Variants in POU2AF2 observed in about 807,000 individuals in gnomAD.
The protein encoded by POU2AF2 is POU domain class 2-associating factor 2.
the POU2AF2 span, chr11:111,281,359 A>G: frequency 3.3e-6 from 5 of 1,529,306 alleles, no homozygotes; most frequent in Admixed American, 1.8e-5. Context: ...ATTCAAACTT[A>G]CAACTAAAGA....
chr11:111,280,456 C>G, the POU2AF2 span, among the ~76,000 whole-genome samples: 7 of 152,308 alleles, frequency 4.6e-5, no homozygotes, highest in South Asian at 1.2e-3. Flanking sequence ...CAGAAATAAA[C>G]AATTTCTAGA....
At chr11:111,265,662 T>C in the POU2AF2 span, among the ~76,000 whole-genome samples, 2 of 152,154 alleles carry the variant, frequency 1.3e-5, no homozygotes, top group Admixed American at 6.5e-5. Context: ...CAATATCTGG[T>C]ACATAGCGGT....
At chr11:111,281,931 TCA>T in the POU2AF2 span, among the ~76,000 whole-genome samples, 3 of 152,168 alleles carry the variant, frequency 2.0e-5, no homozygotes, top group African/African-American at 7.2e-5. Context: ...AAAGACAATC[TCA>T]TTTAGTTCAA....
chr11:111,276,453 A>ATATATATATATAT, the POU2AF2 span, among the ~76,000 whole-genome samples: 43 of 37,562 alleles, frequency 1.1e-3, no homozygotes, highest in South Asian at 2.2e-3. Context: ...AAAAAAAAAA[A>ATATATATATATAT]ATATATATAT....
chr11:111,286,107 A>G, the POU2AF2 span: 49 of 1,585,484 alleles, frequency 3.1e-5, no homozygotes, highest in South Asian at 5.5e-4. Context: ...TGTATTCCAA[A>G]GATTGTTTTA....
chr11:111,264,618 AAG>A, the POU2AF2 span, among the ~76,000 whole-genome samples: 2 of 72,202 alleles, frequency 2.8e-5, no homozygotes, highest in Non-Finnish European at 6.5e-5. Context: ...GAAAGAAAGA[AAG>A]AGAAGAAAGA....
At chr11:111,248,695 C>T in the POU2AF2 span, among the ~76,000 whole-genome samples, 6 of 151,948 alleles carry the variant, frequency 3.9e-5, no homozygotes, top group South Asian at 4.2e-4. Context: ...TATTCCCTTA[C>T]GTAAAGTCAC....
the POU2AF2 span, among the ~76,000 whole-genome samples, chr11:111,266,211 C>A: frequency 6.6e-6 from 1 of 152,266 alleles, no homozygotes; most frequent in East Asian, 1.9e-4. Context: ...CTGAAGCCTG[C>A]ATTTCCTGAA....
At chr11:111,265,829 C>G in the POU2AF2 span, among the ~76,000 whole-genome samples, 1 of 150,334 alleles carries the variant, frequency 6.7e-6, no homozygotes, top group South Asian at 2.1e-4. Context: ...AGAAAGGCTA[C>G]TGGGTAACTT....
At chr11:111,286,127 G>C in the POU2AF2 span, 3 of 1,539,718 alleles carry the variant, frequency 1.9e-6, no homozygotes, top group Non-Finnish European at 2.6e-6. Context: ...AGGTGTGTCA[G>C]CCCATTCAGG....
chr11:111,258,088 A>G, the POU2AF2 span, among the ~76,000 whole-genome samples: 1 of 152,238 alleles, frequency 6.6e-6, no homozygotes, highest in Non-Finnish European at 1.5e-5. Flanking sequence ...ACTGCGCTCC[A>G]GCCTGGGCAA....
At chr11:111,246,834 T>C in the POU2AF2 span, among the ~76,000 whole-genome samples, 1 of 152,204 alleles carries the variant, frequency 6.6e-6, no homozygotes, top group Non-Finnish European at 1.5e-5. Flanking sequence ...GCAGCTAAAA[T>C]CTACTTATTT....
the POU2AF2 span, among the ~76,000 whole-genome samples, chr11:111,251,622 G>A: frequency 2.0e-5 from 3 of 152,138 alleles, no homozygotes; most frequent in African/African-American, 7.2e-5. Flanking sequence ...CTGTCTACAA[G>A]GTCATTCTCC....
the POU2AF2 span, among the ~76,000 whole-genome samples, chr11:111,264,536 GAAAGA>G: frequency 4.8e-5 from 3 of 62,978 alleles, no homozygotes; most frequent in East Asian, 6.9e-4. Context: ...AAGAAAGAAA[GAAAGA>G]AAGAAAGAAA....
chr11:111,249,295 T>C, the POU2AF2 span, among the ~76,000 whole-genome samples: 2 of 152,138 alleles, frequency 1.3e-5, no homozygotes, highest in Non-Finnish European at 2.9e-5. Context: ...ATTTTTAAAC[T>C]CTAAATATCA....
chr11:111,260,341 A>T, the POU2AF2 span, among the ~76,000 whole-genome samples: 5 of 152,210 alleles, frequency 3.3e-5, no homozygotes, highest in Non-Finnish European at 5.9e-5. Context: ...AGGTTAAAAA[A>T]AAATGGGAGC....
the POU2AF2 span, chr11:111,255,860 C>T: frequency 3.3e-5 from 13 of 395,918 alleles, no homozygotes; most frequent in African/African-American, 2.5e-4. Context: ...CACTTCAAAT[C>T]CAGGAATTCT....
At chr11:111,283,803 C>T in the POU2AF2 span, among the ~76,000 whole-genome samples, 12 of 152,120 alleles carry the variant, frequency 7.9e-5, no homozygotes, top group East Asian at 1.7e-3. Context: ...CGCCGGTCAC[C>T]GGGAAGGTAC....
At chr11:111,285,664 G>T in the POU2AF2 span, 1 of 1,612,094 alleles carries the variant, frequency 6.2e-7, no homozygotes, top group Non-Finnish European at 8.5e-7. Context: ...GGGACTCATG[G>T]GAGCAGACGT....
Sources: gnomAD v4.1 joint callset for allele counts (sites outside exome capture counted in the v4.1 genomes callset) on GRCh38, gnomAD v4.1.1 for gene constraint, MANE v1.5 for transcripts, NCBI Gene and HGNC (gene_info 2026-07-23, HGNC 2026-07-21) for gene names.